Variants in FBXL17 observed in about 807,000 individuals in gnomAD.
FBXL17 encodes F-box/LRR-repeat protein 17.
In FBXL17, 22 loss-of-function variants were observed where a neutral mutation model predicts 66.2. That is an observed-to-expected ratio of 0.33 (90% CI 0.24 to 0.47). FBXL17 has a LOEUF of 0.47. FBXL17 is among the 20% of genes least tolerant of loss of function. The probability of loss-of-function intolerance (pLI) is 1.00; values close to 1 mark genes in which losing one functional copy is unlikely to be tolerated. For synonymous variants in FBXL17, 474 were observed against 400.5 expected, an observed-to-expected ratio of 1.18 and a Z score of -2.19; for missense variants, 878 against 948.2, an observed-to-expected ratio of 0.93 and a Z score of 0.97.
At chr5:107,883,574 A>G (rs973752993) in intron 7 of FBXL17, among the ~76,000 whole-genome samples, 11 of 152,142 alleles carry the variant, frequency 7.2e-5, no homozygotes, top group African/African-American at 2.7e-4. Flanking sequence ...CTTAGCTTTC[A>G]GATCTCAGGT....
At chr5:108,203,754 C>A (rs2966827) in intron 5 of FBXL17, among the ~76,000 whole-genome samples, 1 of 151,964 alleles carries the variant, frequency 6.6e-6, no homozygotes, top group Admixed American at 6.6e-5. Flanking sequence ...CTAAACCAAT[C>A]GATTGTTTGA....
intron 4 of FBXL17, among the ~76,000 whole-genome samples, chr5:108,269,532 A>G (rs917291060): frequency 2.0e-5 from 3 of 152,126 alleles, no homozygotes; most frequent in African/African-American, 7.2e-5. Flanking sequence ...CTCAATTTTT[A>G]TTTATTTTTT....
chr5:108,128,258 A>AG (rs1750797582), intron 6 of FBXL17, among the ~76,000 whole-genome samples: 1 of 151,718 alleles, frequency 6.6e-6, no homozygotes, highest in South Asian at 2.1e-4. Flanking sequence ...AAAAAAAAAA[A>AG]AAGAATTTGT....
intron 7 of FBXL17, among the ~76,000 whole-genome samples, chr5:107,945,955 CT>C (rs1015868666): frequency 1.4e-4 from 21 of 151,928 alleles, no homozygotes; most frequent in Admixed American, 1.2e-3. Context: ...GCATGTACCC[CT>C]ATAACATAAT....
intron 7 of FBXL17, among the ~76,000 whole-genome samples, chr5:107,990,358 T>G (rs1009386604): frequency 6.6e-6 from 1 of 152,208 alleles, no homozygotes; most frequent in African/African-American, 2.4e-5. Flanking sequence ...TTTTTAAAAT[T>G]AGAGTTCTGC....
chr5:108,292,946 C>T (rs914572892), intron 4 of FBXL17, among the ~76,000 whole-genome samples: 1 of 151,926 alleles, frequency 6.6e-6, no homozygotes, highest in East Asian at 1.9e-4. Context: ...AAAAAATTAG[C>T]AGGGCATGCT....
chr5:108,103,602 T>C (rs964668345), intron 6 of FBXL17, among the ~76,000 whole-genome samples: 2 of 152,158 alleles, frequency 1.3e-5, no homozygotes, highest in South Asian at 2.1e-4. Context: ...AATTTTTAGC[T>C]TTTATGTCAT....
At chr5:108,293,767 G>A (rs568024646) in intron 4 of FBXL17, among the ~76,000 whole-genome samples, 4 of 151,974 alleles carry the variant, frequency 2.6e-5, no homozygotes, top group East Asian at 1.9e-4. Context: ...TTGGCCAGGC[G>A]TGGTGGTTCA....
At chr5:108,163,517 C>T (rs534850934) in intron 6 of FBXL17, among the ~76,000 whole-genome samples, 6 of 151,734 alleles carry the variant, frequency 4.0e-5, no homozygotes, top group South Asian at 2.1e-4. Flanking sequence ...TCTCCTGCCT[C>T]AGCCTCCCGA....
At chr5:108,012,306 T>C (rs1206392340) in intron 7 of FBXL17, among the ~76,000 whole-genome samples, 6 of 152,214 alleles carry the variant, frequency 3.9e-5, no homozygotes, top group East Asian at 1.9e-4. Flanking sequence ...TATTAATACA[T>C]ACTGAATATC....
intron 7 of FBXL17, among the ~76,000 whole-genome samples, chr5:107,886,368 C>T (rs62359632): frequency 0.14 from 21,515 of 152,084 alleles, 1,930 homozygotes; most frequent in East Asian, 0.31. Context: ...ATACATACAT[C>T]TATTTCTTAG....
intron 4 of FBXL17, among the ~76,000 whole-genome samples, chr5:108,260,193 A>G (rs1756754562): frequency 6.6e-6 from 1 of 152,124 alleles, no homozygotes; most frequent in East Asian, 1.9e-4. Flanking sequence ...GGAGAGGACT[A>G]GTTGTTAATG....
At chr5:107,975,013 T>C (rs1287072160) in intron 7 of FBXL17, among the ~76,000 whole-genome samples, 1 of 152,322 alleles carries the variant, frequency 6.6e-6, no homozygotes, top group East Asian at 1.9e-4. Context: ...TTTATTTATA[T>C]CAAAAGCCTG....
chr5:108,067,213 G>A (rs1264833602), intron 6 of FBXL17, among the ~76,000 whole-genome samples: 2 of 152,046 alleles, frequency 1.3e-5, no homozygotes, highest in Non-Finnish European at 2.9e-5. Context: ...CTTTGTTAAT[G>A]ACCCTAACAG....
At chr5:107,948,430 A>T (rs1410651172) in intron 7 of FBXL17, among the ~76,000 whole-genome samples, 1 of 152,178 alleles carries the variant, frequency 6.6e-6, no homozygotes, top group Non-Finnish European at 1.5e-5. Context: ...AATCCTGAAC[A>T]TTCAAACTCT....
At chr5:108,089,167 G>A (rs188163389) in intron 6 of FBXL17, among the ~76,000 whole-genome samples, 4 of 152,216 alleles carry the variant, frequency 2.6e-5, no homozygotes. Flanking sequence ...ATCATAAAAC[G>A]AAATGCTCTC....
chr5:107,866,621 G>A (rs1248348741), intron 8 of FBXL17, among the ~76,000 whole-genome samples: 1 of 152,160 alleles, frequency 6.6e-6, no homozygotes, highest in South Asian at 2.1e-4. Flanking sequence ...TTCCAGATAA[G>A]TGTAAACCCA....
At chr5:108,301,930 T>C (rs912866889) in intron 4 of FBXL17, 1 of 547,396 alleles carries the variant, frequency 1.8e-6, no homozygotes, top group Non-Finnish European at 2.3e-6. Context: ...TAATGGGAGA[T>C]ATATGTATTG....
chr5:108,305,397 T>C (rs1758790517), intron 4 of FBXL17, among the ~76,000 whole-genome samples: 1 of 151,908 alleles, frequency 6.6e-6, no homozygotes, highest in Non-Finnish European at 1.5e-5. Flanking sequence ...GATGAGATTA[T>C]CTGTGCAGCA....
Sources: allele counts gnomAD v4.1 joint callset (sites outside exome capture counted in the v4.1 genomes callset), GRCh38; gene constraint gnomAD v4.1.1; transcripts MANE v1.5; gene names NCBI Gene and HGNC (gene_info 2026-07-23, HGNC 2026-07-21).